Variants in OCA2 observed in about 807,000 individuals in gnomAD.
OCA2 encodes P protein.
Under a neutral mutation model 100.2 loss-of-function variants are expected in OCA2, and 77 were observed. The observed-to-expected ratio is 0.77, with a 90% CI of 0.64 to 0.93. The LOEUF (loss-of-function observed/expected upper bound fraction) is 0.93. Ranked by LOEUF, OCA2 falls within the 40% of genes least tolerant of loss-of-function variation. OCA2 has a pLI of 0.00. For missense variants in OCA2, 1,062 were observed against 1,089.1 expected (o/e 0.98, Z 0.35); for synonymous variants, 432 against 439.2 (o/e 0.98, Z 0.21).
At chr15:28,089,473 T>G (rs1566885732) in intron 1 of OCA2, among the ~76,000 whole-genome samples, 1 of 152,206 alleles carries the variant, frequency 6.6e-6, no homozygotes, top group Non-Finnish European at 1.5e-5. Context: ...CTAATAAATG[T>G]CCATGAAATC....
intron 19 of OCA2, among the ~76,000 whole-genome samples, chr15:27,885,392 C>T (rs1460024141): frequency 6.6e-6 from 1 of 152,154 alleles, no homozygotes; most frequent in African/African-American, 2.4e-5. Flanking sequence ...GCTTTCCAAA[C>T]CCCCTTCACA....
At chr15:27,794,845 AT>A (rs1009004041) in intron 23 of OCA2, among the ~76,000 whole-genome samples, 1 of 152,136 alleles carries the variant, frequency 6.6e-6, no homozygotes, top group Non-Finnish European at 1.5e-5. Flanking sequence ...AAACAAATGC[AT>A]TTTTTTTCCT....
intron 2 of OCA2, among the ~76,000 whole-genome samples, chr15:28,034,848 A>C (rs1386423483): frequency 6.6e-6 from 1 of 152,212 alleles, no homozygotes; most frequent in African/African-American, 2.4e-5. Flanking sequence ...TTTTTGCATG[A>C]GATTGGCTTT....
intron 23 of OCA2, among the ~76,000 whole-genome samples, chr15:27,772,441 T>C (rs576246256): frequency 6.3e-4 from 96 of 152,352 alleles, no homozygotes; most frequent in Non-Finnish European, 8.2e-4. Context: ...GAAGAAATGT[T>C]GGAAAATATC....
intron 11 of OCA2, among the ~76,000 whole-genome samples, chr15:27,987,494 C>T (rs554553141): frequency 1.8e-4 from 27 of 150,776 alleles, no homozygotes; most frequent in Admixed American, 5.3e-4. Flanking sequence ...CCAAGGCGGG[C>T]GGATCACGAG....
At chr15:28,095,535 G>A (rs577139311) in intron 1 of OCA2, among the ~76,000 whole-genome samples, 1 of 152,196 alleles carries the variant, frequency 6.6e-6, no homozygotes, top group Non-Finnish European at 1.5e-5. Flanking sequence ...TGACCAACAT[G>A]GAGAAACCCC....
At chr15:27,843,019 A>G (rs1452209629) in intron 23 of OCA2, among the ~76,000 whole-genome samples, 1 of 152,166 alleles carries the variant, frequency 6.6e-6, no homozygotes, top group African/African-American at 2.4e-5. Context: ...ACTTGGGAAA[A>G]GATCAGACTG....
At chr15:27,926,065 A>C in intron 19 of OCA2, 62 bp downstream of exon 19, 1 of 1,581,312 alleles carries the variant, frequency 6.3e-7, no homozygotes, top group Non-Finnish European at 8.7e-7. Flanking sequence ...TCATTCACCA[A>C]ATAAAACATG....
chr15:27,733,076 G>T, the OCA2 span, among the ~76,000 whole-genome samples: 1 of 152,188 alleles, frequency 6.6e-6, no homozygotes, highest in African/African-American at 2.4e-5. Context: ...CGTCTCTCAT[G>T]AAAGGCTGGT....
intron 19 of OCA2, among the ~76,000 whole-genome samples, chr15:27,888,676 A>G (rs758381826): frequency 1.9e-4 from 29 of 152,336 alleles, no homozygotes; most frequent in Non-Finnish European, 3.4e-4. Context: ...ATTTTATATC[A>G]TCAATACAAA....
At chr15:27,798,143 GA>G (rs2033428610) in intron 23 of OCA2, among the ~76,000 whole-genome samples, 1 of 152,190 alleles carries the variant, frequency 6.6e-6, no homozygotes, top group Non-Finnish European at 1.5e-5. Context: ...GTTAAGAAAA[GA>G]AGATGAAAAT....
chr15:27,727,509 G>T, the OCA2 span, among the ~76,000 whole-genome samples: 1 of 152,184 alleles, frequency 6.6e-6, no homozygotes, highest in Non-Finnish European at 1.5e-5. Context: ...TGTAAAGCAC[G>T]GAGATTTTAG....
intron 19 of OCA2, among the ~76,000 whole-genome samples, chr15:27,892,462 T>C (rs2037502760): frequency 6.6e-6 from 1 of 152,146 alleles, no homozygotes; most frequent in Admixed American, 6.5e-5. Flanking sequence ...AAATAGTCTA[T>C]GGGTCAATGA....
chr15:28,050,203 T>C (rs1372518102), intron 2 of OCA2, among the ~76,000 whole-genome samples: 1 of 152,168 alleles, frequency 6.6e-6, no homozygotes, highest in Non-Finnish European at 1.5e-5. Flanking sequence ...GAGGATCGCT[T>C]GAGCCCAGGA....
intron 19 of OCA2, among the ~76,000 whole-genome samples, chr15:27,882,860 C>T (rs1178995208): frequency 3.9e-5 from 6 of 152,138 alleles, no homozygotes; most frequent in East Asian, 1.9e-4. Flanking sequence ...AATCTCAGTT[C>T]GGTTCTCTAA....
chr15:28,086,981 A>T (rs1351135822), intron 1 of OCA2, among the ~76,000 whole-genome samples: 1 of 152,214 alleles, frequency 6.6e-6, no homozygotes, highest in East Asian at 1.9e-4. Context: ...CAAATGCCAG[A>T]AGAAGATGAT....
At chr15:28,096,408 C>A (rs913179014) in intron 1 of OCA2, among the ~76,000 whole-genome samples, 20 of 152,198 alleles carry the variant, frequency 1.3e-4, no homozygotes, top group Admixed American at 1.2e-3. Flanking sequence ...TGGCGGTGTC[C>A]GCAGGAGCGA....
intron 15 of OCA2, among the ~76,000 whole-genome samples, chr15:27,958,150 C>T (rs183975796): frequency 3.9e-5 from 6 of 152,116 alleles, no homozygotes; most frequent in Admixed American, 1.3e-4. Context: ...TGTATACCTA[C>T]GTAACAAACC....
At chr15:27,842,499 C>CAATT (rs1332487797) in intron 23 of OCA2, among the ~76,000 whole-genome samples, 2 of 152,178 alleles carry the variant, frequency 1.3e-5, no homozygotes, top group African/African-American at 4.8e-5. Flanking sequence ...AGTGCATGTG[C>CAATT]AATTGCAAAT....
Sources: gnomAD v4.1 joint callset for allele counts (sites outside exome capture counted in the v4.1 genomes callset) on GRCh38, gnomAD v4.1.1 for gene constraint, MANE v1.5 for transcripts, NCBI Gene and HGNC (gene_info 2026-07-23, HGNC 2026-07-21) for gene names.